Variants in PRLR observed in about 807,000 individuals in gnomAD.
PRLR encodes hPRL receptor.
Under a neutral mutation model 40.2 loss-of-function variants are expected in PRLR, and 13 were observed. The ratio of observed to expected loss-of-function variants is 0.32; its 90% CI spans 0.21 to 0.51. The LOEUF (loss-of-function observed/expected upper bound fraction) is 0.51. Ranked by LOEUF, PRLR falls within the 20% of genes least tolerant of loss-of-function variation. PRLR has a pLI of 0.97. For synonymous variants in PRLR, 269 were observed against 278.7 expected (o/e 0.97, Z 0.35); for missense variants, 656 against 747.3 (o/e 0.88, Z 1.42).
chr5:35,098,894 T>C (rs1252950943), intron 2 of PRLR, among the ~76,000 whole-genome samples: 1 of 152,172 alleles, frequency 6.6e-6, no homozygotes, highest in African/African-American at 2.4e-5. Flanking sequence ...ATGGGGAAAC[T>C]GAGGCCTGGA....
At chr5:35,206,134 G>T (rs1776009881) in intron 1 of PRLR, among the ~76,000 whole-genome samples, 1 of 152,020 alleles carries the variant, frequency 6.6e-6, no homozygotes, top group Non-Finnish European at 1.5e-5. Context: ...AAAGAGTGCT[G>T]GGTTAGATTA....
At chr5:35,210,499 G>T (rs1273564199) in intron 1 of PRLR, among the ~76,000 whole-genome samples, 1 of 152,192 alleles carries the variant, frequency 6.6e-6, no homozygotes, top group African/African-American at 2.4e-5. Context: ...TTTTCTCACA[G>T]AGTCAGGAGA....
intron 1 of PRLR, among the ~76,000 whole-genome samples, chr5:35,223,241 T>C (rs11747720): frequency 0.59 from 89,264 of 152,200 alleles, 27,584 homozygotes; most frequent in Non-Finnish European, 0.7. Flanking sequence ...TGTCCCATGA[T>C]TATGATATAA....
intron 1 of PRLR, among the ~76,000 whole-genome samples, chr5:35,141,001 A>G (rs1774007757): frequency 6.6e-6 from 1 of 152,158 alleles, no homozygotes. Context: ...AATAAATTCC[A>G]CTAAGAACTT....
chr5:35,097,433 G>A (rs2112498321), intron 2 of PRLR, among the ~76,000 whole-genome samples: 1 of 152,190 alleles, frequency 6.6e-6, no homozygotes, highest in Middle Eastern at 3.4e-3. Flanking sequence ...GTTGTCCAAG[G>A]TCACACAGCT....
At chr5:35,120,792 T>C (rs1013300569) in intron 1 of PRLR, among the ~76,000 whole-genome samples, 1 of 152,200 alleles carries the variant, frequency 6.6e-6, no homozygotes, top group Non-Finnish European at 1.5e-5. Context: ...GGAAAAAGCA[T>C]GTTGTTTATC....
At chr5:35,122,809 T>C (rs1442988036) in intron 1 of PRLR, among the ~76,000 whole-genome samples, 1 of 152,122 alleles carries the variant, frequency 6.6e-6, no homozygotes, top group Non-Finnish European at 1.5e-5. Flanking sequence ...GCACATCCAC[T>C]TGAGTCAAAG....
intron 1 of PRLR, among the ~76,000 whole-genome samples, chr5:35,214,997 A>C (rs10043746): frequency 0.019 from 2,882 of 152,246 alleles, 97 homozygotes; most frequent in African/African-American, 0.067. Context: ...TCACCAGTCA[A>C]CTGTGGACCT....
chr5:35,110,649 G>A (rs1433875520), intron 2 of PRLR, among the ~76,000 whole-genome samples: 4 of 152,100 alleles, frequency 2.6e-5, no homozygotes, highest in Non-Finnish European at 5.9e-5. Context: ...TAGAGACATG[G>A]TAACCATCTA....
intron 5 of PRLR, among the ~76,000 whole-genome samples, chr5:35,075,478 T>C (rs1208106567): frequency 1.3e-5 from 2 of 152,254 alleles, no homozygotes; most frequent in South Asian, 4.1e-4. Flanking sequence ...AAGGTGGCAG[T>C]GAGGCTGGGG....
At chr5:35,187,701 C>T (rs1220613787) in intron 1 of PRLR, among the ~76,000 whole-genome samples, 4 of 152,156 alleles carry the variant, frequency 2.6e-5, no homozygotes, top group Admixed American at 2.0e-4. Flanking sequence ...AAACTGAGCC[C>T]AGAAAGGTCA....
chr5:35,111,698 C>T (rs1391129694), intron 2 of PRLR, among the ~76,000 whole-genome samples: 1 of 151,920 alleles, frequency 6.6e-6, no homozygotes, highest in Non-Finnish European at 1.5e-5. Context: ...TATTATTTAA[C>T]CTTTAAAGTA....
intron 1 of PRLR, among the ~76,000 whole-genome samples, chr5:35,170,712 TA>T (rs949055070): frequency 1.3e-5 from 2 of 152,034 alleles, no homozygotes; most frequent in African/African-American, 2.4e-5. Flanking sequence ...AACCTACCTC[TA>T]AAAAAAGAAA....
chr5:35,194,683 C>A (rs1401236481), intron 1 of PRLR, among the ~76,000 whole-genome samples: 1 of 152,174 alleles, frequency 6.6e-6, no homozygotes, highest in East Asian at 1.9e-4. Flanking sequence ...AGACTACATT[C>A]TGCATGATTC....
chr5:35,136,926 A>T (rs943960984), intron 1 of PRLR, among the ~76,000 whole-genome samples: 5 of 149,472 alleles, frequency 3.3e-5, no homozygotes, highest in Admixed American at 3.3e-4. Flanking sequence ...CACTTTGAGA[A>T]CTATTGCCTT....
intron 1 of PRLR, among the ~76,000 whole-genome samples, chr5:35,177,725 T>C (rs898938051): frequency 6.6e-6 from 1 of 152,242 alleles, no homozygotes; most frequent in Admixed American, 6.5e-5. Flanking sequence ...GATATTTGAA[T>C]TGTTTTCAAG....
intron 1 of PRLR, among the ~76,000 whole-genome samples, chr5:35,199,881 A>G (rs1357595563): frequency 6.6e-6 from 1 of 152,254 alleles, no homozygotes; most frequent in Non-Finnish European, 1.5e-5. Flanking sequence ...GGACTGAGTG[A>G]ATATAAGGAA....
intron 1 of PRLR, chr5:35,194,954 A>G (rs1348916229): frequency 6.6e-6 from 1 of 152,234 alleles, no homozygotes; most frequent in East Asian, 1.9e-4. Context: ...TGATAAACAT[A>G]CCACACGAAC....
intron 1 of PRLR, among the ~76,000 whole-genome samples, chr5:35,155,436 C>A (rs1022886020): frequency 6.6e-6 from 1 of 152,052 alleles, no homozygotes; most frequent in African/African-American, 2.4e-5. Context: ...ACTTGTTTCA[C>A]CTCTTTGATC....
Sources: gnomAD v4.1 joint callset for allele counts (sites outside exome capture counted in the v4.1 genomes callset) on GRCh38, gnomAD v4.1.1 for gene constraint, MANE v1.5 for transcripts, NCBI Gene and HGNC (gene_info 2026-07-23, HGNC 2026-07-21) for gene names.